Variants in COLEC10 observed in about 807,000 individuals in gnomAD.
The protein encoded by COLEC10 is collectin-10.
A neutral mutation model predicts 28.4 loss-of-function variants in COLEC10; 22 were observed. The ratio of observed to expected loss-of-function variants is 0.78; its 90% confidence interval spans 0.55 to 1.11. COLEC10 has a LOEUF of 1.11. Among genes scored for constraint, COLEC10 ranks in the 50% least tolerant of loss-of-function variants. The pLI is 0.00. For missense variants in COLEC10, 361 were observed against 344.1 expected, an observed-to-expected ratio of 1.05 and a Z score of -0.39; for synonymous variants, 125 against 116.1, an observed-to-expected ratio of 1.08 and a Z score of -0.49.
intron 1 of COLEC10, among the ~76,000 whole-genome samples, chr8:119,082,019 G>C (rs1168572315): frequency 6.6e-6 from 1 of 152,160 alleles, no homozygotes; most frequent in African/African-American, 2.4e-5. Context: ...ACAGCATAAA[G>C]ACAGGAAGAT....
intron 1 of COLEC10, among the ~76,000 whole-genome samples, chr8:119,087,435 C>A (rs1295572135): frequency 6.6e-6 from 1 of 152,044 alleles, no homozygotes; most frequent in Non-Finnish European, 1.5e-5. Context: ...TTGCTAAACA[C>A]CCTCTGGAAA....
chr8:119,085,056 A>G (rs551553082), intron 1 of COLEC10, among the ~76,000 whole-genome samples: 2 of 152,320 alleles, frequency 1.3e-5, no homozygotes, highest in South Asian at 2.1e-4. Flanking sequence ...CAGCAATCCT[A>G]TGAGGTTGGG....
the COLEC10 span, among the ~76,000 whole-genome samples, chr8:118,962,576 C>T: frequency 6.6e-6 from 1 of 152,122 alleles, no homozygotes; most frequent in Admixed American, 6.5e-5. Context: ...ACCTCCCAAC[C>T]ATTCCTTGCA....
upstream of COLEC10, among the ~76,000 whole-genome samples, chr8:119,062,398 G>A (rs1814871440): frequency 6.6e-6 from 1 of 152,016 alleles, no homozygotes; most frequent in Non-Finnish European, 1.5e-5. Context: ...AACAGTGGGA[G>A]GCTTCTGATT....
the COLEC10 span, among the ~76,000 whole-genome samples, chr8:118,987,139 G>A: frequency 6.6e-6 from 1 of 152,078 alleles, no homozygotes; most frequent in South Asian, 2.1e-4. Context: ...ACTGTTCCTG[G>A]AGAGTGAAAA....
At chr8:119,079,767 T>TTTAG (rs1342628520) in intron 1 of COLEC10, among the ~76,000 whole-genome samples, 1 of 151,906 alleles carries the variant, frequency 6.6e-6, no homozygotes, top group Non-Finnish European at 1.5e-5. Context: ...TCCCCAGTTG[T>TTTAG]TTTCTTTGCT....
chr8:119,091,599 A>AGAG (rs1563741304), intron 3 of COLEC10, among the ~76,000 whole-genome samples: 5 of 96,784 alleles, frequency 5.2e-5, no homozygotes, highest in African/African-American at 2.9e-4. Context: ...GAGAGAGAGA[A>AGAG]AGAAAGAAAG....
At chr8:118,988,699 A>G in the COLEC10 span, among the ~76,000 whole-genome samples, 1 of 152,198 alleles carries the variant, frequency 6.6e-6, no homozygotes, top group African/African-American at 2.4e-5. Flanking sequence ...ATAACAGTGG[A>G]TTATAGCTGG....
chr8:119,038,174 T>A (rs1723599359), intron 2 of COLEC10, among the ~76,000 whole-genome samples: 1 of 152,240 alleles, frequency 6.6e-6, no homozygotes, highest in South Asian at 2.1e-4. Flanking sequence ...AACTTGGGCT[T>A]TGATATGAGA....
intron 2 of COLEC10, 98 bp from the exon 3 acceptor site, chr8:119,091,051 T>C: frequency 2.2e-6 from 2 of 906,240 alleles, no homozygotes; most frequent in Admixed American, 1.9e-5. Flanking sequence ...GGTAGAAGAA[T>C]ATACTTGTTG....
the COLEC10 span, among the ~76,000 whole-genome samples, chr8:118,970,048 C>A: frequency 6.6e-6 from 1 of 152,008 alleles, no homozygotes; most frequent in Non-Finnish European, 1.5e-5. Context: ...GATGTCTGAG[C>A]TGCTAAAATG....
chr8:119,094,161 T>C (rs1815665304), intron 3 of COLEC10, among the ~76,000 whole-genome samples: 1 of 152,072 alleles, frequency 6.6e-6, no homozygotes, highest in Admixed American at 6.6e-5. Context: ...GATCATCATA[T>C]CAATGAGTCC....
the COLEC10 span, among the ~76,000 whole-genome samples, chr8:118,978,393 T>C: frequency 1.7e-4 from 26 of 152,178 alleles, no homozygotes; most frequent in Admixed American, 2.6e-4. Flanking sequence ...AAATTTTCAA[T>C]TTCCAGGACA....
At chr8:118,985,402 T>A in the COLEC10 span, among the ~76,000 whole-genome samples, 1 of 152,096 alleles carries the variant, frequency 6.6e-6, no homozygotes, top group African/African-American at 2.4e-5. Flanking sequence ...ATTTCATAAT[T>A]TTTCGTTCTA....
intron 1 of COLEC10, among the ~76,000 whole-genome samples, chr8:119,070,568 C>CT (rs1815096166): frequency 2.0e-5 from 1 of 50,594 alleles, no homozygotes; most frequent in African/African-American, 1.2e-4. Flanking sequence ...CTCTCTCTCT[C>CT]CCCCCACCCC....
intron 2 of COLEC10, among the ~76,000 whole-genome samples, chr8:119,056,511 C>T (rs1814764098): frequency 6.6e-6 from 1 of 151,952 alleles, no homozygotes; most frequent in Non-Finnish European, 1.5e-5. Context: ...TTTGTGAGTA[C>T]AAGGAGAAAA....
At chr8:118,990,588 G>A (rs1407456258), upstream of COLEC10, among the ~76,000 whole-genome samples, 3 of 152,110 alleles carry the variant, frequency 2.0e-5, no homozygotes, top group Non-Finnish European at 4.4e-5. Flanking sequence ...AGGGGATAGA[G>A]CTTCAAAGGG....
At chr8:119,009,850 A>T (rs76392809) in intron 2 of COLEC10, among the ~76,000 whole-genome samples, 83,927 of 142,918 alleles carry the variant, frequency 0.59, 24,754 homozygotes, top group African/African-American at 0.71. Flanking sequence ...CTTTTTTTTA[A>T]AAAAAAATAG....
At chr8:118,978,386 T>C in the COLEC10 span, among the ~76,000 whole-genome samples, 1 of 152,054 alleles carries the variant, frequency 6.6e-6, no homozygotes, top group African/African-American at 2.4e-5. Flanking sequence ...AACTCAAAAA[T>C]TTTCAATTTC....
Sources: allele counts gnomAD v4.1 joint callset (sites outside exome capture counted in the v4.1 genomes callset), GRCh38; gene constraint gnomAD v4.1.1; transcripts MANE v1.5; gene names NCBI Gene and HGNC (gene_info 2026-07-23, HGNC 2026-07-21).